Variants in CALN1 observed in about 807,000 individuals in gnomAD.
The protein encoded by CALN1 is calneuron 1, also known as calcium-binding protein 8.
CALN1 carries 17 observed loss-of-function variants against 30.6 expected under a neutral mutation model. The observed-to-expected ratio is 0.56, with a 90% CI of 0.38 to 0.83. CALN1 has a LOEUF of 0.83. Ranked by LOEUF, CALN1 falls within the 40% of genes least tolerant of loss-of-function variation. CALN1 has a pLI of 0.00. For missense variants in CALN1, 291 were observed against 354.9 expected (o/e 0.82, Z 1.45); for synonymous variants, 156 against 131.4 (o/e 1.19, Z -1.28).
chr7:71,873,634 T>C lies in CALN1; in HGVS notation c.502-63142A>G, dbSNP rs536258600. Reference sequence around the variant, plus strand: ...AAAAGTAAAAACAAAAAAAATCACCTGCAGTGCTTGTTTAAAACAAACATC... The same window carrying C: ...AAAAGTAAAAACAAAAAAAATCACCCGCAGTGCTTGTTTAAAACAAACATC... On this transcript the variant is annotated intron_variant, in intron 5 of 6. Coordinates refer to ENST00000395275, the MANE Select transcript of CALN1 (RefSeq NM_031468.4). 3.0e-4 allele frequency among the ~76,000 whole-genome samples: 46 copies of C among 152,306 alleles called. No homozygotes were observed. The South Asian group carries it at 4.8e-3, about 16-fold the overall frequency.
chr7:72,230,464 C>T (rs1487797593), intron 3 of CALN1, among the ~76,000 whole-genome samples: 1 of 150,176 alleles, frequency 6.7e-6, no homozygotes, highest in African/African-American at 2.5e-5. Flanking sequence ...GTCATGATCA[C>T]GCCGCTGCAC....
At chr7:71,945,183 A>ACCTTCCCATCCCTT (rs1796343352) in intron 5 of CALN1, among the ~76,000 whole-genome samples, 1 of 150,448 alleles carries the variant, frequency 6.6e-6, no homozygotes, top group Non-Finnish European at 1.5e-5. Context: ...CTTCCCTTCC[A>ACCTTCCCATCCCTT]CCATGAATAA....
At chr7:72,029,495 T>C (rs1024141967) in intron 4 of CALN1, among the ~76,000 whole-genome samples, 2 of 152,120 alleles carry the variant, frequency 1.3e-5, no homozygotes, top group Non-Finnish European at 2.9e-5. Flanking sequence ...TGTCTTTTGT[T>C]CTAATGAAGC....
intron 4 of CALN1, among the ~76,000 whole-genome samples, chr7:72,086,226 T>TA (rs1805474763): frequency 6.6e-6 from 1 of 152,198 alleles, no homozygotes; most frequent in South Asian, 2.1e-4. Context: ...TAAATATTGT[T>TA]AAAGAACTGT....
intron 5 of CALN1, among the ~76,000 whole-genome samples, chr7:71,944,841 C>T (rs1796326441): frequency 6.6e-6 from 1 of 152,112 alleles, no homozygotes; most frequent in African/African-American, 2.4e-5. Context: ...AATGTGGTAC[C>T]AGTCTCCCAG....
At chr7:71,984,208 A>T (rs1282724223) in intron 5 of CALN1, among the ~76,000 whole-genome samples, 1 of 152,128 alleles carries the variant, frequency 6.6e-6, no homozygotes, top group Non-Finnish European at 1.5e-5. Context: ...GGTGGAAGAG[A>T]GAGAGTGAGG....
intron 3 of CALN1, among the ~76,000 whole-genome samples, chr7:72,218,429 C>G (rs1219057458): frequency 6.6e-6 from 1 of 151,984 alleles, no homozygotes; most frequent in Non-Finnish European, 1.5e-5. Context: ...GCCTGGGCAA[C>G]AGAGCGAGAC....
At chr7:71,843,539 C>T (rs1018827770) in intron 5 of CALN1, among the ~76,000 whole-genome samples, 6 of 152,080 alleles carry the variant, frequency 3.9e-5, no homozygotes, top group South Asian at 2.1e-4. Flanking sequence ...AGGAGGATTG[C>T]TTGAGCCCAG....
intron 2 of CALN1, among the ~76,000 whole-genome samples, chr7:72,382,662 T>C (rs915067280): frequency 1.3e-5 from 2 of 152,190 alleles, no homozygotes; most frequent in African/African-American, 2.4e-5. Flanking sequence ...TCGGTCTTTA[T>C]GTACACATGT....
intron 1 of CALN1, among the ~76,000 whole-genome samples, chr7:72,427,643 A>ATTAATT (rs1554406732): frequency 6.6e-6 from 1 of 151,488 alleles, no homozygotes; most frequent in Non-Finnish European, 1.5e-5. Context: ...ACACATGGCA[A>ATTAATT]TTTATTTTTA....
intron 2 of CALN1, among the ~76,000 whole-genome samples, chr7:72,384,414 G>A (rs1307223000): frequency 2.0e-5 from 3 of 152,166 alleles, no homozygotes; most frequent in African/African-American, 7.2e-5. Context: ...AGGTAAAGAA[G>A]AGAGGAAGAA....
At chr7:72,110,343 T>G (rs2129541529) in intron 3 of CALN1, among the ~76,000 whole-genome samples, 1 of 152,306 alleles carries the variant, frequency 6.6e-6, no homozygotes, top group East Asian at 1.9e-4. Flanking sequence ...ATTTAGCAAG[T>G]CAGACCATAG....
intron 3 of CALN1, among the ~76,000 whole-genome samples, chr7:72,226,133 C>T (rs369989758): frequency 2.0e-5 from 3 of 148,638 alleles, no homozygotes; most frequent in Non-Finnish European, 3.0e-5. Context: ...TGGTGGTGCA[C>T]GCTAAGAAGG....
chr7:71,899,434 C>T (rs978411695), intron 5 of CALN1, among the ~76,000 whole-genome samples: 6 of 152,118 alleles, frequency 3.9e-5, no homozygotes, highest in South Asian at 4.1e-4. Context: ...TGAGCCACCA[C>T]GCCCGGCTGA....
At chr7:72,205,322 T>A (rs1273421524) in intron 3 of CALN1, among the ~76,000 whole-genome samples, 2 of 151,488 alleles carry the variant, frequency 1.3e-5, no homozygotes, top group African/African-American at 2.4e-5. Flanking sequence ...TGCCTCAGCC[T>A]CCCTAGTAGC....
chr7:72,423,217 T>C (rs1479340812), intron 1 of CALN1, among the ~76,000 whole-genome samples: 5 of 152,264 alleles, frequency 3.3e-5, no homozygotes. Flanking sequence ...GAACTTGTAC[T>C]ATTGTATTTT....
At chr7:72,053,636 T>C (rs1245297181) in intron 4 of CALN1, among the ~76,000 whole-genome samples, 1 of 68,244 alleles carries the variant, frequency 1.5e-5, no homozygotes, top group Non-Finnish European at 2.7e-5. Context: ...TCAAAGTTTA[T>C]CTATTTTTTT....
chr7:72,387,720 T>G (rs1359060341), intron 2 of CALN1, among the ~76,000 whole-genome samples: 5 of 151,978 alleles, frequency 3.3e-5, no homozygotes, highest in African/African-American at 1.2e-4. Context: ...ATAAGAAAAG[T>G]CTGAGAAACT....
At chr7:72,026,296 T>C (rs550582522) in intron 4 of CALN1, among the ~76,000 whole-genome samples, 3 of 152,102 alleles carry the variant, frequency 2.0e-5, no homozygotes, top group African/African-American at 7.2e-5. Context: ...CTTAACAAAA[T>C]AGAGGGGGGT....
Sources: gnomAD v4.1 joint callset for allele counts (sites outside exome capture counted in the v4.1 genomes callset) on GRCh38, gnomAD v4.1.1 for gene constraint, MANE v1.5 for transcripts, NCBI Gene and HGNC (gene_info 2026-07-23, HGNC 2026-07-21) for gene names.